NLRC3: variants seen among roughly 807,000 people sequenced by gnomAD.
The protein encoded by NLRC3 is NLR family CARD domain containing 3, also known as NLR family CARD domain-containing protein 3.
In NLRC3, 87 loss-of-function variants were observed where a neutral mutation model predicts 91.6. The ratio of observed to expected loss-of-function variants is 0.95; its 90% CI spans 0.80 to 1.14. The LOEUF (loss-of-function observed/expected upper bound fraction) is 1.14, where lower values mean the gene tolerates loss of function less well. Ranked by LOEUF, NLRC3 falls within the 50% of genes most tolerant of loss-of-function variation. NLRC3 has a pLI of 0.00. For missense variants in NLRC3, 1,577 were observed against 1,418.6 expected (o/e 1.11, Z -1.79); for synonymous variants, 694 against 625.3 (o/e 1.11, Z -1.64).
chr16:3,561,646 G>T, intron 6 of NLRC3, 56 bp downstream of exon 6: 1 of 1,199,170 alleles, frequency 8.3e-7, no homozygotes, highest in Non-Finnish European at 1.2e-6. Context: ...ATGGGAAGAG[G>T]GTTCCATACC....
rs187689471 is a variant in NLRC3, at chr16:3,556,798, C to T, written c.2183+113G>A. On this transcript the variant is annotated intron_variant, in intron 8 of 19. Transcript: ENST00000359128. ...GATTACAGATGTGAGCCACTGTGCC[C>T]GGCCCCATGCCTGCCATTGTGAATC... is the stretch of plus-strand genomic sequence containing the variant. 172 of 731,686 alleles carry T rather than the reference C, an allele frequency of 2.4e-4. 1 individual carries two copies. In the Admixed American group the frequency reaches 3.2e-3, roughly 14 times the overall value. The allele number at this position is 731,686 out of a possible 1,614,324, so 45.3% of individuals were successfully genotyped here. A position where few individuals can be genotyped will look rare whatever the true frequency, so the allele number is the denominator to read the frequency against.
chr16:3,553,709 T>C (rs988150323), intron 9 of NLRC3, among the ~76,000 whole-genome samples: 1 of 151,080 alleles, frequency 6.6e-6, no homozygotes, highest in South Asian at 2.1e-4. Flanking sequence ...TTTTATATTT[T>C]ATTATTTTAT....
intron 14 of NLRC3, 24 bp from the exon 15 acceptor site, chr16:3,548,242 A>C (rs1490486011): frequency 1.3e-6 from 2 of 1,482,794 alleles, no homozygotes; most frequent in Admixed American, 1.9e-5. Flanking sequence ...GACACATGTG[A>C]CTATGTGACT....
At chr16:3,573,547 C>T (rs2040176037) in intron 1 of NLRC3, among the ~76,000 whole-genome samples, 1 of 152,186 alleles carries the variant, frequency 6.6e-6, no homozygotes, top group African/African-American at 2.4e-5. Context: ...CTGTCCTTCA[C>T]TGTGTGACAT....
Position 3,540,065 on chromosome 16 carries a change from CTG to C in NLRC3, c.*1758_*1759del, listed in dbSNP as rs1186821954. On this transcript the variant is annotated 3_prime_UTR_variant, in exon 20 of 20. Coordinates refer to ENST00000359128, the MANE Select transcript of NLRC3 (RefSeq NM_178844.4). ...GCATCAGACTGGGGGCATGTGATGT[CTG>C]TGTGTCCCATTATTGGCGATGTTCA... 1 of 152,176 alleles carries C rather than the reference CTG, an allele frequency of 6.6e-6. No individual in the cohort carries two copies. 9.4% of individuals were successfully genotyped at this position (152,176 alleles called of 1,614,324 possible).
chr16:3,548,003 A>G (rs2151084355), intron 15 of NLRC3, 132 bp downstream of exon 15: 3 of 642,734 alleles, frequency 4.7e-6, no homozygotes, highest in East Asian at 5.5e-5. Context: ...GGACTGAAAC[A>G]TGCCAGCTGG....
Position 3,543,033 on chromosome 16 carries a change from G to A in NLRC3, c.2940-258C>T, listed in dbSNP as rs1567456736. 5 of 526,862 alleles carry A rather than the reference G, an allele frequency of 9.5e-6. No homozygotes were observed. In the East Asian group the frequency reaches 1.6e-4, roughly 17 times the overall value. The allele number at this position is 526,862 out of a possible 1,614,324, so 32.6% of individuals were successfully genotyped here. ...TCTTCCATTTCAAACAGAAAAGCGG[G>A]GCTGAGACAGGAGAGGCAGCCCTCC... On this transcript the variant is annotated intron_variant, in intron 17 of 19. Transcript: ENST00000359128.
chr16:3,542,063 CT>C (rs2151078746), intron 19 of NLRC3, 127 bp downstream of exon 19: 3 of 828,352 alleles, frequency 3.6e-6, no homozygotes, highest in South Asian at 3.0e-5. Flanking sequence ...GGTACCTCCC[CT>C]TAGACCAGGT....
intron 7 of NLRC3, 40 bp from the exon 8 acceptor site, chr16:3,557,034 C>A: frequency 7.2e-7 from 1 of 1,396,264 alleles, no homozygotes; most frequent in Non-Finnish European, 1.0e-6. Context: ...TCATCTGTCT[C>A]CCAGAGAGGG....
In NLRC3 at chr16:3,542,688, T is replaced by C. The variant is rs1409839751; in HGVS notation, c.3023+4A>G. ...GATGCAGGTAGGTCCCTCCAGCCACTTACTTGAGTCTCCGGAGACTTGAGT... is the reference window on the plus strand; with the variant it reads ...GATGCAGGTAGGTCCCTCCAGCCACCTACTTGAGTCTCCGGAGACTTGAGT... On this transcript the variant is annotated splice_donor_region_variant and intron_variant, in intron 18 of 19. Transcript: ENST00000359128. 1 of 1,601,150 alleles carries C rather than the reference T, an allele frequency of 6.2e-7. No homozygotes were observed. The highest frequency in any genetic ancestry group is 8.5e-7 in the Non-Finnish European group (1 of 1,170,554).
Position 3,549,791 on chromosome 16 carries a change from AG to A in NLRC3, c.2436-12del. On this transcript the variant is annotated splice_polypyrimidine_tract_variant and intron_variant, in intron 11 of 19. Coordinates refer to ENST00000359128, the MANE Select transcript of NLRC3 (RefSeq NM_178844.4). ...GAATTGCTCTGCAGGCTGCGGAAAG[AG>A]GAGGCGCCCTGGGTGTGGCTGTCCC... 6.5e-7 allele frequency: 1 copy of A among 1,547,642 alleles called. No homozygotes were observed. The highest frequency in any genetic ancestry group is 8.7e-7 in the Non-Finnish European group (1 of 1,145,136).
rs988386642 is a variant in NLRC3, at chr16:3,543,337, G to C, written c.2939+88C>G. ...AGATCACCAGGATGATTTGTGAGTT[G>C]TCTGTAAACTTTGTCCCCATATCTA... is the stretch of plus-strand genomic sequence containing the variant. On this transcript the variant is annotated intron_variant, in intron 17 of 19. Coordinates refer to ENST00000359128, the MANE Select transcript of NLRC3 (RefSeq NM_178844.4). 1.4e-5 allele frequency: 13 copies of C among 904,164 alleles called. No individual in the cohort carries two copies. In the South Asian group the frequency reaches 1.7e-4, roughly 12 times the overall value. 56.0% of individuals were successfully genotyped at this position (904,164 alleles called of 1,614,324 possible). A position where few individuals can be genotyped will look rare whatever the true frequency, so the allele number is the denominator to read the frequency against.
rs747502393 is a variant in NLRC3, at chr16:3,564,793, G to T, written c.179-35C>A. On this transcript the variant is annotated intron_variant, in intron 4 of 19. Coordinates refer to ENST00000359128, the MANE Select transcript of NLRC3 (RefSeq NM_178844.4). This position sits in a 1 kb window ranked among gnomAD's most constrained non-coding sequence, Gnocchi z 5.9. The stretch of plus-strand genomic sequence containing the variant: ...AGAGGCCAGTGGGGAGGTCTGGTAA[G>T]GGAAGAGTGGGCACAATCAGCCCAG... 2 of 1,566,594 alleles carry T rather than the reference G, an allele frequency of 1.3e-6. No homozygotes were observed. The highest frequency in any genetic ancestry group is 3.5e-5 in the Admixed American group (2 of 57,386).
chr16:3,545,429 G>C (rs1017020668), intron 15 of NLRC3: 2 of 152,034 alleles, frequency 1.3e-5, no homozygotes, highest in Non-Finnish European at 1.5e-5. Flanking sequence ...GAACCCAGGA[G>C]GTGGAGGTTG....
chr16:3,542,648 A>C lies in NLRC3; in HGVS notation c.3023+44T>G, dbSNP rs551792156. The C allele has an allele frequency of 1.3e-5, 15 of 1,186,154 alleles. No individual in the cohort carries two copies. The Admixed American group carries it at 2.0e-4, about 16-fold the overall frequency. The allele number at this position is 1,186,154 out of a possible 1,614,324, so 73.5% of individuals were successfully genotyped here. On this transcript the variant is annotated intron_variant, in intron 18 of 19. Coordinates refer to ENST00000359128, the MANE Select transcript of NLRC3 (RefSeq NM_178844.4). Reference sequence around the variant, plus strand: ...TCCATCAGGGAGGACCCAGCAGAGAACTCTGCTGCTCCAGGATGCAGGTAG... The same window carrying C: ...TCCATCAGGGAGGACCCAGCAGAGACCTCTGCTGCTCCAGGATGCAGGTAG...
rs1384212035 is a variant in NLRC3 at position 3,565,386 on chromosome 16, A to G, written c.-86-6T>C. ...TTGGTGTCTTCATTTGTGACCTGGA[A>G]ATGATGATGAGGTTACAAGTAAGTT... On this transcript the variant is annotated splice_polypyrimidine_tract_variant and splice_region_variant and intron_variant, in intron 2 of 19. Transcript: ENST00000359128. 2.0e-6 allele frequency: 1 copy of G among 512,194 alleles called. No homozygotes were observed. The highest frequency in any genetic ancestry group is 2.0e-5 in the African/African-American group (1 of 51,106). The allele number at this position is 512,194 out of a possible 1,614,324, so 31.7% of individuals were successfully genotyped here. A position where few individuals can be genotyped will look rare whatever the true frequency, so the allele number is the denominator to read the frequency against.
intron 1 of NLRC3, among the ~76,000 whole-genome samples, chr16:3,572,951 G>A (rs996064924): frequency 6.7e-5 from 10 of 148,262 alleles, no homozygotes; most frequent in Admixed American, 6.2e-4. Flanking sequence ...GGTGGAGGTT[G>A]CAGTGAGCCG....
chr16:3,548,875 TGG>T, intron 13 of NLRC3, 122 bp from the exon 14 acceptor site: 1 of 709,848 alleles, frequency 1.4e-6, no homozygotes, highest in South Asian at 1.8e-5. Flanking sequence ...GGGTGCTTCC[TGG>T]GGATACGTTG....
chr16:3,549,095 G>T, intron 13 of NLRC3, 47 bp downstream of exon 13: 1 of 1,382,402 alleles, frequency 7.2e-7, no homozygotes, highest in Non-Finnish European at 1.0e-6. Context: ...GTGTGGGTGT[G>T]GTCATGGCAT....
Sources: gnomAD v4.1 joint callset for allele counts (sites outside exome capture counted in the v4.1 genomes callset) on GRCh38, gnomAD v4.1.1 for gene constraint, Gnocchi (gnomAD v3.1) non-coding constraint, MANE v1.5 for transcripts, NCBI Gene and HGNC (gene_info 2026-07-23, HGNC 2026-07-21) for gene names.